The following SNX4 variants were observed in gnomAD, a reference collection of about 807,000 sequenced individuals.
SNX4 encodes sorting nexin 4.
A neutral mutation model predicts 70.8 loss-of-function variants in SNX4; 49 were observed. The ratio of observed to expected loss-of-function variants is 0.69; its 90% CI spans 0.55 to 0.88. The LOEUF (loss-of-function observed/expected upper bound fraction) is 0.88, where lower values mean the gene tolerates loss of function less well. Among genes scored for constraint, SNX4 ranks in the 40% least tolerant of loss-of-function variants. The pLI, the probability that SNX4 is intolerant of heterozygous loss-of-function variation, is 0.00. For missense variants in SNX4, 528 were observed against 544.8 expected, an observed-to-expected ratio of 0.97 and a Z score of 0.31; for synonymous variants, 206 against 183.8, an observed-to-expected ratio of 1.12 and a Z score of -0.98.
intron 8 of SNX4, among the ~76,000 whole-genome samples, chr3:125,471,568 G>A (rs1015269245): frequency 3.3e-5 from 5 of 151,986 alleles, no homozygotes; most frequent in South Asian, 2.1e-4. Flanking sequence ...TGGGAGAGAC[G>A]GTTACTTTTG....
chr3:125,456,037 C>T (rs149791479), intron 11 of SNX4, among the ~76,000 whole-genome samples: 2 of 152,176 alleles, frequency 1.3e-5, no homozygotes, highest in Non-Finnish European at 2.9e-5. Context: ...AACTACAGTG[C>T]TTATTAACTA....
intron 2 of SNX4, among the ~76,000 whole-genome samples, chr3:125,498,615 G>C (rs1027467741): frequency 2.0e-5 from 3 of 152,174 alleles, no homozygotes; most frequent in African/African-American, 7.2e-5. Context: ...AACCCTGTGA[G>C]GCAGAGATTT....
At chr3:125,501,744 C>T (rs1290477400) in intron 2 of SNX4, among the ~76,000 whole-genome samples, 1 of 152,130 alleles carries the variant, frequency 6.6e-6, no homozygotes, top group Non-Finnish European at 1.5e-5. Flanking sequence ...TCAAGTAATT[C>T]CAACATGTTT....
rs1933456419 is a variant in SNX4, at chr3:125,447,636, G to A, written c.*143C>T. On this transcript the variant is annotated 3_prime_UTR_variant, in exon 14 of 14. Transcript: ENST00000251775. Reference sequence around the variant, plus strand: ...TATATTTTTTGTGCTACATTAACACGACCACAATTAAGTTAAAGAAAGCTG... The same window carrying A: ...TATATTTTTTGTGCTACATTAACACAACCACAATTAAGTTAAAGAAAGCTG... The A allele has an allele frequency of 2.2e-5, 12 of 554,188 alleles. No homozygotes were observed. Among genetic ancestry groups the A allele is most frequent in the Admixed American group, 1.5e-4 (4 of 27,322 alleles). The allele number at this position is 554,188 out of a possible 1,614,324, so 34.3% of individuals were successfully genotyped here.
intron 12 of SNX4, among the ~76,000 whole-genome samples, chr3:125,451,873 C>T (rs925056554): frequency 6.6e-5 from 10 of 152,054 alleles, no homozygotes; most frequent in African/African-American, 2.2e-4. Flanking sequence ...GTGATCTGCC[C>T]ACCTCAGCCT....
intron 6 of SNX4, among the ~76,000 whole-genome samples, 176 bp downstream of exon 6, chr3:125,489,232 C>A (rs1934599010): frequency 6.6e-6 from 1 of 152,110 alleles, no homozygotes; most frequent in Non-Finnish European, 1.5e-5. Flanking sequence ...CACAATCATA[C>A]CCCCAATCAA....
chr3:125,500,890 A>C (rs1934914642), intron 2 of SNX4, among the ~76,000 whole-genome samples: 1 of 108,326 alleles, frequency 9.2e-6, no homozygotes, highest in African/African-American at 4.0e-5. Context: ...TGGCTAATTT[A>C]CAAAAAAAAA....
intron 8 of SNX4, among the ~76,000 whole-genome samples, chr3:125,475,552 A>T (rs1263081813): frequency 1.3e-5 from 2 of 152,156 alleles, no homozygotes; most frequent in Non-Finnish European, 2.9e-5. Context: ...TTTAGTAGAG[A>T]TGAGGTTTCA....
At chr3:125,504,837 G>A in intron 1 of SNX4, 93 bp from the exon 2 acceptor site, 1 of 1,371,174 alleles carries the variant, frequency 7.3e-7, no homozygotes, top group Non-Finnish European at 9.7e-7. Flanking sequence ...CCCATTATTG[G>A]GTTTATATAT....
Position 125,504,669 on chromosome 3 carries a change from C to A in SNX4, c.217G>T (p.Ala73Ser). The change falls in exon 2 of 14, where the codon GCC (alanine) becomes TCC (serine). Residue 73 changes from alanine to serine, a missense_variant. Ala to Ser is a moderately conservative substitution (Grantham distance 99, BLOSUM62 1). Coordinates refer to ENST00000251775, the MANE Select transcript of SNX4 (RefSeq NM_003794.4). ...GTATATGTTTCTTGCATGTTCATGGCATTTCTTCCAGTTCGTTTTTCTGCT... is the reference window on the plus strand; with the variant it reads ...GTATATGTTTCTTGCATGTTCATGGAATTTCTTCCAGTTCGTTTTTCTGCT... ...SEAEKRTGRN[A>S]MNMQETYTAY... is the part of the protein sequence containing the mutation. 1 of 1,613,988 alleles carries A rather than the reference C, an allele frequency of 6.2e-7. No individual in the cohort carries two copies. The highest frequency in any genetic ancestry group is 8.5e-7 in the Non-Finnish European group (1 of 1,179,950).
intron 9 of SNX4, among the ~76,000 whole-genome samples, chr3:125,466,525 G>A (rs1414787377): frequency 7.2e-5 from 11 of 152,202 alleles, no homozygotes; most frequent in East Asian, 1.9e-4. Context: ...GATAACTTAC[G>A]AAATGGGAGA....
intron 10 of SNX4, among the ~76,000 whole-genome samples, chr3:125,460,413 TGATAA>T (rs1359529812): frequency 6.6e-6 from 1 of 152,198 alleles, no homozygotes; most frequent in East Asian, 1.9e-4. Flanking sequence ...TACAAGCTAC[TGATAA>T]GACACACAGA....
intron 1 of SNX4, among the ~76,000 whole-genome samples, chr3:125,514,702 T>C (rs377526594): frequency 1.3e-5 from 2 of 152,118 alleles, no homozygotes; most frequent in African/African-American, 4.8e-5. Flanking sequence ...TCCAAAACTT[T>C]TTTTGACACA....
chr3:125,448,669 C>CTTTTTT (rs921502028), intron 13 of SNX4, among the ~76,000 whole-genome samples: 30 of 95,362 alleles, frequency 3.1e-4, no homozygotes, highest in East Asian at 8.9e-4. Flanking sequence ...GGGTTTTTTC[C>CTTTTTT]TTTTTTTTTT....
At chr3:125,460,722 G>A (rs748120155) in intron 10 of SNX4, 49 bp downstream of exon 10, 2 of 824,694 alleles carry the variant, frequency 2.4e-6, no homozygotes, top group East Asian at 2.6e-5. Context: ...CATATGAGGA[G>A]AGTGGTGAAC....
intron 11 of SNX4, 81 bp from the exon 12 acceptor site, chr3:125,454,036 T>G: frequency 8.3e-7 from 1 of 1,199,200 alleles, no homozygotes; most frequent in Non-Finnish European, 1.2e-6. Context: ...TATTCAGCCT[T>G]TAAAAGGAAT....
At chr3:125,497,786 A>T in intron 4 of SNX4, 48 bp downstream of exon 4, 1 of 1,348,744 alleles carries the variant, frequency 7.4e-7, no homozygotes, top group Non-Finnish European at 1.0e-6. Flanking sequence ...TTTTTAAGAA[A>T]CCCAAATTAA....
intron 10 of SNX4, 51 bp downstream of exon 10, chr3:125,460,720 G>A: frequency 1.2e-6 from 1 of 808,424 alleles, no homozygotes; most frequent in Non-Finnish European, 2.0e-6. Context: ...GGCATATGAG[G>A]AGAGTGGTGA....
chr3:125,497,749 G>T, intron 4 of SNX4, 85 bp downstream of exon 4: 4 of 892,510 alleles, frequency 4.5e-6, no homozygotes, highest in Non-Finnish European at 6.6e-6. Flanking sequence ...TTAATGAAAA[G>T]ATCCTTAAAA....
Sources: allele counts gnomAD v4.1 joint callset (sites outside exome capture counted in the v4.1 genomes callset), GRCh38; gene constraint gnomAD v4.1.1; transcripts MANE v1.5; gene names NCBI Gene and HGNC (gene_info 2026-07-23, HGNC 2026-07-21).